Variants in SVIL observed in about 807,000 individuals in gnomAD.
SVIL encodes supervillin.
In SVIL, 101 loss-of-function variants were observed where a neutral mutation model predicts 240.4. That is an observed-to-expected ratio of 0.42 (90% CI 0.36 to 0.50). The LOEUF is 0.50. Among genes scored for constraint, SVIL ranks in the 20% least tolerant of loss-of-function variants. The pLI is 0.01. For missense variants in SVIL, 2,512 were observed against 2,818.7 expected (o/e 0.89, Z 2.46); for synonymous variants, 999 against 1,100.0 (o/e 0.91, Z 1.82).
intron 3 of SVIL, among the ~76,000 whole-genome samples, chr10:29,642,875 T>C (rs1229144466): frequency 6.6e-6 from 1 of 152,092 alleles, no homozygotes; most frequent in Non-Finnish European, 1.5e-5. Context: ...TAGTAGAGAC[T>C]GGGTTTCACC....
chr10:29,568,164 G>T (rs2132714752), intron 2 of SVIL, among the ~76,000 whole-genome samples: 1 of 152,172 alleles, frequency 6.6e-6, no homozygotes, highest in East Asian at 1.9e-4. Context: ...TGATGACCCT[G>T]GATCATCATT....
rs182807155 is a variant in SVIL at position 29,520,311 on chromosome 10, C to T, written c.3389+2099G>A. ...TCCTTAAATGATCTCTCTTCTTCCT[C>T]ACCTAACCAGTTGTCAATATTTGGG... On this transcript the variant is annotated intron_variant, in intron 16 of 37. Transcript: ENST00000355867. Among the ~76,000 whole-genome samples the T allele has an allele frequency of 9.8e-5, 15 of 152,310 alleles. No individual in the cohort carries two copies. The East Asian group carries it at 2.9e-3, about 29-fold the overall frequency.
intron 36 of SVIL, among the ~76,000 whole-genome samples, chr10:29,459,912 G>A (rs1162920278): frequency 6.6e-6 from 1 of 152,078 alleles, no homozygotes; most frequent in Non-Finnish European, 1.5e-5. Flanking sequence ...GCAATATGAT[G>A]AGACCCTGTC....
chr10:29,721,643 T>C (rs1352094166), intron 1 of SVIL, among the ~76,000 whole-genome samples: 3 of 152,158 alleles, frequency 2.0e-5, no homozygotes, highest in African/African-American at 7.2e-5. Flanking sequence ...AAGTCACCAG[T>C]TCTTCAAGGG....
chr10:29,509,630 C>T (rs1379908664), intron 17 of SVIL, among the ~76,000 whole-genome samples: 1 of 151,992 alleles, frequency 6.6e-6, no homozygotes, highest in Non-Finnish European at 1.5e-5. Context: ...AGGTGGATCA[C>T]CTGAGGTTGG....
At chr10:29,605,153 A>G (rs1956973316) in intron 1 of SVIL, among the ~76,000 whole-genome samples, 1 of 152,238 alleles carries the variant, frequency 6.6e-6, no homozygotes, top group African/African-American at 2.4e-5. Context: ...CCATATAGGC[A>G]CACAGGCATT....
chr10:29,506,984 G>A (rs73596035), intron 17 of SVIL, among the ~76,000 whole-genome samples: 8,066 of 152,246 alleles, frequency 0.053, 659 homozygotes, highest in African/African-American at 0.17. Flanking sequence ...TGAAATAAAA[G>A]AAACCAGCCA....
chr10:29,638,610 A>G (rs1396744819), upstream of SVIL, among the ~76,000 whole-genome samples: 1 of 152,210 alleles, frequency 6.6e-6, no homozygotes, highest in Non-Finnish European at 1.5e-5. Flanking sequence ...ACATAAATCT[A>G]TAGAGATTTA....
chr10:29,621,157 G>T (rs1273000168), intron 1 of SVIL, among the ~76,000 whole-genome samples: 2 of 152,078 alleles, frequency 1.3e-5, no homozygotes, highest in Non-Finnish European at 2.9e-5. Context: ...TAAGAATCAG[G>T]TAAATCTTGT....
intron 8 of SVIL, 62 bp downstream of exon 8, chr10:29,532,467 T>A: frequency 6.5e-7 from 1 of 1,544,494 alleles, no homozygotes; most frequent in Non-Finnish European, 8.7e-7. Flanking sequence ...GGTCGAGGAG[T>A]GAATCATTCT....
intron 1 of SVIL, among the ~76,000 whole-genome samples, chr10:29,629,785 C>T (rs1006885769): frequency 9.4e-5 from 14 of 148,558 alleles, no homozygotes; most frequent in African/African-American, 3.2e-4. Context: ...CAAGACCAGC[C>T]TGAGCAACAT....
At chr10:29,685,577 A>C (rs921844460) in intron 2 of SVIL, among the ~76,000 whole-genome samples, 2 of 152,226 alleles carry the variant, frequency 1.3e-5, no homozygotes, top group African/African-American at 4.8e-5. Context: ...CCTCGCCGGC[A>C]TCTGTTATTT....
At chr10:29,607,049 C>T (rs1236436706) in intron 1 of SVIL, among the ~76,000 whole-genome samples, 1 of 152,220 alleles carries the variant, frequency 6.6e-6, no homozygotes, top group Non-Finnish European at 1.5e-5. Context: ...GCCACTATGC[C>T]TGGCCTACAC....
At chr10:29,461,098 T>C (rs1163833129) in intron 36 of SVIL, among the ~76,000 whole-genome samples, 2 of 152,178 alleles carry the variant, frequency 1.3e-5, no homozygotes, top group African/African-American at 2.4e-5. Context: ...TTGAGACTTA[T>C]GTCCTGTTCC....
intron 1 of SVIL, among the ~76,000 whole-genome samples, chr10:29,610,445 T>G (rs1373530260): frequency 1.2e-5 from 1 of 84,312 alleles, no homozygotes; most frequent in Non-Finnish European, 2.2e-5. Context: ...CCATTCACTC[T>G]GCATTTTTTT....
At chr10:29,649,781 T>C (rs1958781973) in intron 3 of SVIL, among the ~76,000 whole-genome samples, 1 of 152,116 alleles carries the variant, frequency 6.6e-6, no homozygotes, top group Admixed American at 6.5e-5. Context: ...TTTGAATGCG[T>C]CCCCCAGAGT....
intron 1 of SVIL, among the ~76,000 whole-genome samples, chr10:29,606,487 CTG>C (rs1957027517): frequency 6.6e-6 from 1 of 152,202 alleles, no homozygotes; most frequent in African/African-American, 2.4e-5. Flanking sequence ...CTCTCTGACT[CTG>C]TCTCTCAACA....
Position 29,522,698 on chromosome 10 carries a change from G to T in SVIL, c.3164-63C>A, listed in dbSNP as rs975201844. ...CAGGCAAACATTCTTCCAGCGATTC[G>T]CCCTCAACAGTGCAGCTCTCAGGGT... On this transcript the variant is annotated intron_variant, in intron 15 of 37. Coordinates refer to ENST00000355867, the MANE Select transcript of SVIL (RefSeq NM_021738.3). 3.3e-6 allele frequency: 5 copies of T among 1,533,032 alleles called. No homozygotes were observed. The East Asian group carries it at 9.6e-5, about 29-fold the overall frequency. The allele number at this position is 1,533,032 out of a possible 1,614,324, so 95.0% of individuals were successfully genotyped here.
At chr10:29,482,082 G>T (rs551242087) in intron 27 of SVIL, among the ~76,000 whole-genome samples, 1 of 144,256 alleles carries the variant, frequency 6.9e-6, no homozygotes, top group South Asian at 2.1e-4. Context: ...AGGCTGAAGT[G>T]CAGTTGCACA....
Sources: gnomAD v4.1 joint callset for allele counts (sites outside exome capture counted in the v4.1 genomes callset) on GRCh38, gnomAD v4.1.1 for gene constraint, MANE v1.5 for transcripts, NCBI Gene and HGNC (gene_info 2026-07-23, HGNC 2026-07-21) for gene names.